Variants in CCDC107 observed in about 807,000 individuals in gnomAD.
CCDC107 encodes the protein coiled-coil domain containing 107, also known as coiled-coil domain-containing protein 107.
CCDC107 carries 17 observed loss-of-function variants against 17.9 expected under a neutral mutation model. That is an observed-to-expected ratio of 0.95 (90% confidence interval 0.65 to 1.42). The LOEUF (loss-of-function observed/expected upper bound fraction) is 1.42, where lower values mean the gene tolerates loss of function less well. Ranked by LOEUF, CCDC107 falls within the 40% of genes most tolerant of loss-of-function variation. The pLI is 0.00. For synonymous variants in CCDC107, 170 were observed against 157.2 expected (o/e 1.08, Z -0.61); for missense variants, 388 against 360.1 (o/e 1.08, Z -0.63).
rs374125478 is a variant in CCDC107 at position 35,660,948 on chromosome 9, A to G, written c.613A>G (p.Arg205Gly). Residue 205 changes from arginine (R) to glycine (G), a missense_variant, in exon 5 of 5, where the codon AGA becomes GGA. Coordinates refer to ENST00000426546, the MANE Select transcript of CCDC107 (RefSeq NM_174923.3). ...GATCTCTCCCCACACAGAGGCCAGC[A>G]GACCTCTTCCTGAGGACTTCTGTTT... ...FLISPHTEAS[R>G]PLPEDFCLKE... The G allele has an allele frequency of 6.2e-7, 1 of 1,614,214 alleles. No individual in the cohort carries two copies. Among genetic ancestry groups the G allele is most frequent in the South Asian group, 1.1e-5 (1 of 91,084 alleles).
At chr9:35,659,180 TG>T (rs770781839) in intron 2 of CCDC107, 1 of 155,534 alleles carries the variant, frequency 6.4e-6, no homozygotes, top group Non-Finnish European at 1.4e-5. Flanking sequence ...GGCCCTGAAA[TG>T]TAAGTTGACA....
chr9:35,659,670 C>T (rs1440502345), intron 2 of CCDC107: 1 of 152,116 alleles, frequency 6.6e-6, no homozygotes, highest in Non-Finnish European at 1.5e-5. Flanking sequence ...TAAAGACTGA[C>T]GTTAATAAAC....
chr9:35,661,227 T>C lies in CCDC107; in HGVS notation c.*40T>C. On this transcript the variant is annotated 3_prime_UTR_variant, in exon 5 of 5. Coordinates refer to ENST00000426546, the MANE Select transcript of CCDC107 (RefSeq NM_174923.3). ...GTGTTTTTTCGATCCTAGTTGGTTG[T>C]ACACACCCATACTAGGTGCCTAAGG... 1 of 1,432,166 alleles carries C rather than the reference T, an allele frequency of 7.0e-7. No homozygotes were observed. Among genetic ancestry groups the C allele is most frequent in the Non-Finnish European group, 9.6e-7 (1 of 1,042,626 alleles). 88.7% of individuals were successfully genotyped at this position (1,432,166 alleles called of 1,614,324 possible).
Position 35,658,367 on chromosome 9 carries a change from C to A in CCDC107, c.-13C>A. ...GGCACCGCCCGCCCGATCCCTCCAC[C>A]CGTGGGCCGGCAATGGCGGGCGCAG... On this transcript the variant is annotated 5_prime_UTR_variant, in exon 1 of 5. Coordinates refer to ENST00000426546, the MANE Select transcript of CCDC107 (RefSeq NM_174923.3). The A allele has an allele frequency of 2.1e-6, 3 of 1,397,044 alleles. No homozygotes were observed. The highest frequency in any genetic ancestry group is 2.8e-6 in the Non-Finnish European group (3 of 1,072,074). The allele number at this position is 1,397,044 out of a possible 1,614,324, so 86.5% of individuals were successfully genotyped here. A position where few individuals can be genotyped will look rare whatever the true frequency, so the allele number is the denominator to read the frequency against.
chr9:35,660,900 GTC>G lies in CCDC107; in HGVS notation c.569_570del (p.Ser190Ter). ...CGAGTCTGCTGGAGGTGGAGACAAAGTCTCTGAAACTGGAACATTCCTGATCT... is the reference window on the plus strand; with the variant it reads ...CGAGTCTGCTGGAGGTGGAGACAAAGTCTGAAACTGGAACATTCCTGATCT... ...GGESAGGGDK[V>X]SETGTFLISP... On this transcript the variant is annotated frameshift_variant, in exon 5 of 5. Transcript: ENST00000426546. LOFTEE classifies it low-confidence loss of function (END_TRUNC). 1 of 1,614,168 alleles carries G rather than the reference GTC, an allele frequency of 6.2e-7. No individual in the cohort carries two copies. Among genetic ancestry groups the G allele is most frequent in the Non-Finnish European group, 8.5e-7 (1 of 1,180,034 alleles).
Position 35,658,603 on chromosome 9 carries a change from C to G in CCDC107, c.134C>G (p.Ala45Gly), listed in dbSNP as rs1326017714. The change falls in exon 2 of 5, where the codon GCC becomes GGC. Residue 45 changes from alanine (A) to glycine (G), a missense_variant. By Grantham distance (60) the Ala-to-Gly change is moderately conservative. Coordinates refer to ENST00000426546, the MANE Select transcript of CCDC107 (RefSeq NM_174923.3). ...AACGCAGCCCACCCCGGCTCTGGAG[C>G]CACGGAACCCCGGCGGCGACCACCG... ...PGNAAHPGSGATEPRRRPPLK... is the reference protein window; with the variant it reads ...PGNAAHPGSGGTEPRRRPPLK... 6.3e-7 allele frequency: 1 copy of G among 1,582,048 alleles called. No individual in the cohort carries two copies. The highest frequency in any genetic ancestry group is 2.4e-5 in the East Asian group (1 of 42,428).
At position 35,658,684 on chromosome 9, in the gene CCDC107, A is replaced by G. The variant is rs1352952609; in HGVS notation, c.215A>G (p.Tyr72Cys). ...RAGSLPLGAL[Y>C]TAAVAAFVLY... ...GGGTCGCTGCCTCTGGGGGCGCTGTACACCGCGGCCGTCGCGGCTTTTGTG... is the reference window on the plus strand; with the variant it reads ...GGGTCGCTGCCTCTGGGGGCGCTGTGCACCGCGGCCGTCGCGGCTTTTGTG... Residue 72 changes from tyrosine to cysteine, a missense_variant, in exon 2 of 5, where the codon TAC (tyrosine) becomes TGC (cysteine). By Grantham distance (194) the Tyr-to-Cys change is radical. Transcript: ENST00000426546. The G allele has an allele frequency of 6.4e-7, 1 of 1,569,180 alleles. No individual in the cohort carries two copies. The highest frequency in any genetic ancestry group is 1.8e-5 in the Admixed American group (1 of 56,666).
chr9:35,661,477 AAAAT>A lies in CCDC107; in HGVS notation c.*295_*298del. On this transcript the variant is annotated 3_prime_UTR_variant, in exon 5 of 5. Transcript: ENST00000426546. ...AAAAACTTTACTCAAATCCAGTGGA[AAAAT>A]AAATGATAGAAACTATACACAACAT... 1 of 472,070 alleles carries A rather than the reference AAAAT, an allele frequency of 2.1e-6. No homozygotes were observed. Among genetic ancestry groups the A allele is most frequent in the Non-Finnish European group, 3.7e-6 (1 of 269,728 alleles). 29.2% of individuals were successfully genotyped at this position (472,070 alleles called of 1,614,324 possible). A position where few individuals can be genotyped will look rare whatever the true frequency, so the allele number is the denominator to read the frequency against.
chr9:35,659,292 T>C (rs532746582), intron 2 of CCDC107: 3 of 152,378 alleles, frequency 2.0e-5, no homozygotes, highest in Non-Finnish European at 2.9e-5. Context: ...AGTTTAGATA[T>C]ATGAAACTAG....
chr9:35,661,095 A>C lies in CCDC107; in HGVS notation c.760A>C (p.Ser254Arg), dbSNP rs1563913363. ...GGGGCGGGGACTACGGAGAAGGTGC[A>C]GCCAGGCTGTGGCAAAGGGCCCCAG... ...EVGRGLRRRC[S>R]QAVAKGPSHS... is the part of the protein sequence containing the mutation. The change falls in exon 5 of 5, where the codon AGC becomes CGC. Residue 254 changes from serine to arginine, a missense_variant. By Grantham distance (110) the Ser-to-Arg change is moderately radical. Transcript: ENST00000426546. 1 of 1,614,200 alleles carries C rather than the reference A, an allele frequency of 6.2e-7. No homozygotes were observed. The highest frequency in any genetic ancestry group is 8.5e-7 in the Non-Finnish European group (1 of 1,180,028).
chr9:35,659,249 G>A (rs1002466740), intron 2 of CCDC107: 1 of 152,372 alleles, frequency 6.6e-6, no homozygotes, highest in Non-Finnish European at 1.5e-5. Flanking sequence ...ACCCTATTAC[G>A]TACTTGCATT....
chr9:35,659,037 G>T (rs544586788), intron 2 of CCDC107: 1 of 261,956 alleles, frequency 3.8e-6, no homozygotes, highest in South Asian at 1.3e-4. Context: ...AACTGCTGGA[G>T]CTGGGATTTG....
chr9:35,661,197 C>T lies in CCDC107; in HGVS notation c.*10C>T. 1.9e-6 allele frequency: 3 copies of T among 1,574,918 alleles called. No homozygotes were observed. The highest frequency in any genetic ancestry group is 2.6e-6 in the Non-Finnish European group (3 of 1,158,642). On this transcript the variant is annotated 3_prime_UTR_variant, in exon 5 of 5. Transcript: ENST00000426546. ...AAGTCTGTTTTCATGATGGAGTGCT[C>T]CTGTGTGTTTTTTCGATCCTAGTTG...
At position 35,660,937 on chromosome 9, in the gene CCDC107, C is replaced by CA. The variant is rs1473216303; in HGVS notation, c.603dup (p.Glu202ArgfsTer8). 3 of 1,614,082 alleles carry CA rather than the reference C, an allele frequency of 1.9e-6. No individual in the cohort carries two copies. The African/African-American group carries it at 4.0e-5, about 22-fold the overall frequency. The stretch of plus-strand genomic sequence containing the variant: ...GGAACATTCCTGATCTCTCCCCACA[C>CA]AGAGGCCAGCAGACCTCTTCCTGAG... On this transcript the variant is annotated frameshift_variant, in exon 5 of 5. Coordinates refer to ENST00000426546, the MANE Select transcript of CCDC107 (RefSeq NM_174923.3). LOFTEE classifies it low-confidence loss of function (END_TRUNC).
chr9:35,660,423 T>C lies in CCDC107; in HGVS notation c.281T>C (p.Leu94Pro), dbSNP rs1823857109. 6.2e-7 allele frequency: 1 copy of C among 1,610,072 alleles called. No individual in the cohort carries two copies. The highest frequency in any genetic ancestry group is 2.2e-5 in the East Asian group (1 of 44,862). ...CLQGKDETAV[L>P]HEEASKQQPL... ...CAGGGGAAAGATGAAACTGCGGTTC[T>C]CCACGAGGAGGCAAGCAAGCAGCAG... Residue 94 changes from leucine (L) to proline (P), a missense_variant, in exon 3 of 5, where the codon CTC becomes CCC. By Grantham distance (98) the Leu-to-Pro change is moderately conservative (BLOSUM62 -3). Coordinates refer to ENST00000426546, the MANE Select transcript of CCDC107 (RefSeq NM_174923.3).
intron 2 of CCDC107, chr9:35,660,161 A>G: frequency 7.0e-6 from 3 of 431,600 alleles, no homozygotes; most frequent in Non-Finnish European, 8.3e-6. Context: ...GCTTTTTTCA[A>G]ACCGGAGGGA....
In CCDC107 at chr9:35,658,409, G is replaced by A. The variant is rs1587920973; in HGVS notation, c.30G>A (p.Val10=). 2 of 1,440,464 alleles carry A rather than the reference G, an allele frequency of 1.4e-6. No individual in the cohort carries two copies. Among genetic ancestry groups the A allele is most frequent in the South Asian group, 2.9e-5 (2 of 69,614 alleles). The allele number at this position is 1,440,464 out of a possible 1,614,324, so 89.2% of individuals were successfully genotyped here. A position where few individuals can be genotyped will look rare whatever the true frequency, so the allele number is the denominator to read the frequency against. The change falls in exon 1 of 5, where the codon GTG becomes GTA. Residue 10 remains valine (V), a synonymous_variant. Coordinates refer to ENST00000426546, the MANE Select transcript of CCDC107 (RefSeq NM_174923.3). MAGAVSLLG[V]VGLLLVSALS... ...CGGGCGCAGTTTCGCTCTTGGGTGT[G>A]GTGGGGCTGCTGCTTGTGTCTGCGC...
chr9:35,660,413 A>G lies in CCDC107; in HGVS notation c.271A>G (p.Thr91Ala), dbSNP rs752285646. ...TCTTCCACAACAGGGGAAAGATGAA[A>G]CTGCGGTTCTCCACGAGGAGGCAAG... ...LYKCLQGKDE[T>A]AVLHEEASKQ... The change falls in exon 3 of 5, where the codon ACT (threonine) becomes GCT (alanine). Residue 91 changes from threonine (T) to alanine (A), a missense_variant. Coordinates refer to ENST00000426546, the MANE Select transcript of CCDC107 (RefSeq NM_174923.3). 6.2e-7 allele frequency: 1 copy of G among 1,605,090 alleles called. No homozygotes were observed. The highest frequency in any genetic ancestry group is 8.5e-7 in the Non-Finnish European group (1 of 1,175,804).
At chr9:35,659,823 G>C (rs1035758043) in intron 2 of CCDC107, 2 of 152,402 alleles carry the variant, frequency 1.3e-5, no homozygotes, top group Non-Finnish European at 2.9e-5. Context: ...TTTTGGCTTT[G>C]TGCATGAACT....
Sources: allele counts gnomAD v4.1 joint callset, GRCh38; gene constraint gnomAD v4.1.1; transcripts MANE v1.5; gene names NCBI Gene and HGNC (gene_info 2026-07-23, HGNC 2026-07-21).